The following COPG2 variants were observed in gnomAD, a reference collection of about 807,000 sequenced individuals.
COPG2 encodes coat protein complex I subunit gamma 2.
Under a neutral mutation model 46.3 loss-of-function variants are expected in COPG2, and 37 were observed. The ratio of observed to expected loss-of-function variants is 0.80; its 90% CI spans 0.61 to 1.05. COPG2 has a LOEUF of 1.05. Ranked by LOEUF, COPG2 falls within the 50% of genes least tolerant of loss-of-function variation. COPG2 has a pLI of 0.00. For synonymous variants in COPG2, 159 were observed against 129.7 expected (o/e 1.23, Z -1.53); for missense variants, 427 against 387.8 (o/e 1.10, Z -0.85).
chr7:130,605,603 G>A, intron 9 of COPG2: 1 of 418,486 alleles, frequency 2.4e-6, no homozygotes, highest in Non-Finnish European at 4.8e-6. Flanking sequence ...TTGAAAGCAT[G>A]AGAAGGAATA....
At chr7:130,570,073 T>A (rs2116414610) in intron 9 of COPG2, among the ~76,000 whole-genome samples, 1 of 152,202 alleles carries the variant, frequency 6.6e-6, no homozygotes, top group African/African-American at 2.4e-5. Context: ...ATAAAAGCCA[T>A]CTAGGAGAAA....
intron 9 of COPG2, among the ~76,000 whole-genome samples, chr7:130,567,271 A>G (rs994444915): frequency 6.6e-6 from 1 of 152,154 alleles, no homozygotes; most frequent in Non-Finnish European, 1.5e-5. Flanking sequence ...GGATGAGGAT[A>G]AAAAAACTAC....
chr7:130,638,516 TTTATACTG>T (rs1554456715), intron 5 of COPG2, among the ~76,000 whole-genome samples: 1 of 152,112 alleles, frequency 6.6e-6, no homozygotes, highest in African/African-American at 2.4e-5. Flanking sequence ...GGCACCTTTG[TTTATACTG>T]TGAGCGGAAA....
chr7:130,587,652 T>A (rs561732371), intron 9 of COPG2, among the ~76,000 whole-genome samples: 1 of 152,228 alleles, frequency 6.6e-6, no homozygotes, highest in Non-Finnish European at 1.5e-5. Flanking sequence ...TCAAGAGGGA[T>A]TAAAGACTTA....
intron 20 of COPG2, among the ~76,000 whole-genome samples, chr7:130,542,557 G>C (rs2116373283): frequency 6.6e-6 from 1 of 152,190 alleles, no homozygotes; most frequent in South Asian, 2.1e-4. Flanking sequence ...ACAGATTCCT[G>C]AGTCTGTGGA....
At chr7:130,512,137 G>A (rs1799606569) in intron 20 of COPG2, among the ~76,000 whole-genome samples, 1 of 151,690 alleles carries the variant, frequency 6.6e-6, no homozygotes, top group South Asian at 2.1e-4. Context: ...GGGAGGCTGA[G>A]GTAGGAGAAT....
chr7:130,543,958 G>A (rs1298398807), intron 20 of COPG2, among the ~76,000 whole-genome samples: 1 of 152,182 alleles, frequency 6.6e-6, no homozygotes, highest in African/African-American at 2.4e-5. Context: ...GGTAAATAAG[G>A]AAATCTCAGA....
At chr7:130,611,919 A>G (rs1483287857) in intron 8 of COPG2, among the ~76,000 whole-genome samples, 2 of 152,220 alleles carry the variant, frequency 1.3e-5, no homozygotes, top group Non-Finnish European at 2.9e-5. Context: ...GAATATAACA[A>G]TCTTTCCCAA....
chr7:130,658,498 T>C lies in COPG2; in HGVS notation c.243+4469A>G, dbSNP rs116842144. On this transcript the variant is annotated intron_variant, in intron 4 of 23. Coordinates refer to ENST00000425248, the MANE Select transcript of COPG2 (RefSeq NM_012133.6). ...CACTATATGTGTTTGTCAAAGCTCATAGAATGATACCCTAAAAAGGATGAA... is the reference window on the plus strand; with the variant it reads ...CACTATATGTGTTTGTCAAAGCTCACAGAATGATACCCTAAAAAGGATGAA... 3.2e-4 allele frequency among the ~76,000 whole-genome samples: 48 copies of C among 151,948 alleles called. 1 individual carries two copies. In the East Asian group the frequency reaches 6.4e-3, roughly 20 times the overall value.
intron 5 of COPG2, among the ~76,000 whole-genome samples, chr7:130,633,176 G>C (rs1417344350): frequency 6.6e-6 from 1 of 152,128 alleles, no homozygotes; most frequent in African/African-American, 2.4e-5. Flanking sequence ...CCAAGTGTTT[G>C]CTATTGTGAA....
chr7:130,574,973 G>T (rs1370866446), intron 9 of COPG2, among the ~76,000 whole-genome samples: 1 of 152,010 alleles, frequency 6.6e-6, no homozygotes, highest in African/African-American at 2.4e-5. Flanking sequence ...TCAAAGACAA[G>T]GCCTTCAAAT....
intron 5 of COPG2, among the ~76,000 whole-genome samples, chr7:130,651,564 C>T (rs1386124458): frequency 4.0e-4 from 50 of 124,758 alleles, no homozygotes; most frequent in Admixed American, 3.0e-3. Context: ...GGTCGGACTG[C>T]GGACTGCAGT....
chr7:130,518,392 T>C (rs1020738563), intron 20 of COPG2, among the ~76,000 whole-genome samples: 5 of 152,258 alleles, frequency 3.3e-5, no homozygotes, highest in Admixed American at 3.3e-4. Flanking sequence ...AAGCCACTGA[T>C]AGCACCTGAA....
chr7:130,613,575 C>G lies in COPG2; in HGVS notation c.461G>C (p.Ser154Thr). Residue 154 changes from serine to threonine, a missense_variant, in exon 7 of 24, where the codon AGT becomes ACT. Physicochemically the swap from Ser to Thr is moderately conservative, Grantham distance 58. Coordinates refer to ENST00000425248, the MANE Select transcript of COPG2 (RefSeq NM_012133.6). ...AGATACCAGTGCTGAACTGGATACA[C>G]TGGAAACTTTATCCACAATGGCCTG... is the stretch of plus-strand genomic sequence containing the variant. ...MKQAIVDKVS[S>T]VSSSALVSSL... is the part of the protein sequence containing the mutation. 6.2e-7 allele frequency: 1 copy of G among 1,600,686 alleles called. No homozygotes were observed. Among genetic ancestry groups the G allele is most frequent in the Non-Finnish European group, 8.5e-7 (1 of 1,172,598 alleles).
intron 5 of COPG2, among the ~76,000 whole-genome samples, chr7:130,646,856 C>T (rs1031283321): frequency 1.3e-5 from 2 of 151,534 alleles, no homozygotes; most frequent in South Asian, 2.1e-4. Flanking sequence ...CCCCCAGCCA[C>T]GCGGAACTGT....
rs1554440428 is a variant in COPG2 at position 130,507,788 on chromosome 7, A to C, written c.2283T>G (p.Ile761Met). ...EDLEVTVSDH[I>M]QKVLKPNFAA... Reference sequence around the variant, plus strand: ...CAAAGTTAGGCTTCAGTACTTTCTGAATATGGTCAGACACAGTCACTTCGA... The same window carrying C: ...CAAAGTTAGGCTTCAGTACTTTCTGCATATGGTCAGACACAGTCACTTCGA... Residue 761 changes from isoleucine to methionine, a missense_variant, in exon 22 of 24, where the codon ATT (isoleucine) becomes ATG (methionine). By Grantham distance (10) the Ile-to-Met change is conservative (BLOSUM62 1). Transcript: ENST00000425248. 1.3e-6 allele frequency: 1 copy of C among 780,572 alleles called. No homozygotes were observed. Among genetic ancestry groups the C allele is most frequent in the Admixed American group, 1.7e-5 (1 of 59,010 alleles). 48.4% of individuals were successfully genotyped at this position (780,572 alleles called of 1,614,324 possible).
chr7:130,650,562 T>A (rs182839979), intron 5 of COPG2, among the ~76,000 whole-genome samples: 1 of 152,380 alleles, frequency 6.6e-6, no homozygotes, highest in South Asian at 2.1e-4. Flanking sequence ...TTTGTTTTTT[T>A]ACTTGTGGTA....
In COPG2 at chr7:130,536,552, T is replaced by G. The variant is rs1295576550; in HGVS notation, c.2149+11122A>C. ...GCCCAAAAGATGCTTCTGATAGGCT[T>G]CCTCGGGGTCCTGCATCCTCGGGTG... On this transcript the variant is annotated intron_variant, in intron 20 of 23. Transcript: ENST00000425248. 2.4e-3 allele frequency among the ~76,000 whole-genome samples: 365 copies of G among 152,292 alleles called. 1 individual carries two copies. Among genetic ancestry groups the G allele is most frequent in the Non-Finnish European group, 4.2e-3 (287 of 68,014 alleles).
At chr7:130,668,149 C>T (rs1384311573) in intron 1 of COPG2, among the ~76,000 whole-genome samples, 2 of 152,154 alleles carry the variant, frequency 1.3e-5, no homozygotes, top group Non-Finnish European at 2.9e-5. Flanking sequence ...GTCTTGCCCC[C>T]GGGGACCTGG....
Sources: allele counts gnomAD v4.1 joint callset (sites outside exome capture counted in the v4.1 genomes callset), GRCh38; gene constraint gnomAD v4.1.1; transcripts MANE v1.5; gene names NCBI Gene and HGNC (gene_info 2026-07-23, HGNC 2026-07-21).